Variants in CDH18 observed in about 807,000 individuals in gnomAD.
The protein encoded by CDH18 is cadherin-18.
CDH18 carries 31 observed loss-of-function variants against 67.9 expected under a neutral mutation model. That is an observed-to-expected ratio of 0.46 (90% CI 0.34 to 0.62). CDH18 has a LOEUF of 0.62. CDH18 is among the 20% of genes least tolerant of loss of function. The pLI is 0.01. For missense variants in CDH18, 890 were observed against 975.5 expected, an observed-to-expected ratio of 0.91 and a Z score of 1.17; for synonymous variants, 362 against 347.2, an observed-to-expected ratio of 1.04 and a Z score of -0.48.
intron 2 of CDH18, among the ~76,000 whole-genome samples, chr5:19,956,741 G>C (rs974772196): frequency 6.6e-6 from 1 of 151,610 alleles, no homozygotes. Flanking sequence ...AAGTATTATA[G>C]AATATTTGTG....
chr5:19,527,154 A>T (rs536399436), intron 9 of CDH18, among the ~76,000 whole-genome samples: 144 of 151,864 alleles, frequency 9.5e-4, no homozygotes, highest in Non-Finnish European at 1.5e-3. Context: ...TTCTTTAATA[A>T]ACATGTAACA....
At chr5:19,908,644 T>C (rs891203212) in intron 2 of CDH18, among the ~76,000 whole-genome samples, 1 of 152,192 alleles carries the variant, frequency 6.6e-6, no homozygotes, top group Non-Finnish European at 1.5e-5. Context: ...CCTTATACAG[T>C]ATATTATCCG....
At chr5:20,134,036 C>A (rs114430350) in intron 2 of CDH18, among the ~76,000 whole-genome samples, 3,202 of 152,248 alleles carry the variant, frequency 0.021, 126 homozygotes, top group African/African-American at 0.071. Flanking sequence ...ACACTCTCAG[C>A]TTGCTTCACT....
intron 5 of CDH18, among the ~76,000 whole-genome samples, chr5:19,616,026 T>C (rs1156790665): frequency 2.6e-5 from 4 of 152,190 alleles, no homozygotes; most frequent in Admixed American, 1.3e-4. Context: ...ACACAAATTT[T>C]CAACTCATTT....
At chr5:19,868,851 T>C (rs928289334) in intron 2 of CDH18, among the ~76,000 whole-genome samples, 2 of 151,990 alleles carry the variant, frequency 1.3e-5, no homozygotes, top group East Asian at 1.9e-4. Context: ...GTGTGGGGAA[T>C]GTGAAAGGGA....
chr5:19,478,108 T>C (rs1738790524), intron 12 of CDH18, among the ~76,000 whole-genome samples: 1 of 152,140 alleles, frequency 6.6e-6, no homozygotes, highest in Admixed American at 6.6e-5. Flanking sequence ...ACATTTTTTG[T>C]ATTTGTTTTC....
At chr5:19,578,489 C>G (rs954843829) in intron 7 of CDH18, among the ~76,000 whole-genome samples, 3 of 151,576 alleles carry the variant, frequency 2.0e-5, no homozygotes, top group Non-Finnish European at 2.9e-5. Context: ...ATAATGTTTT[C>G]AAGCTGCTTA....
intron 9 of CDH18, among the ~76,000 whole-genome samples, chr5:19,531,187 C>A (rs770298): frequency 0.41 from 61,744 of 151,996 alleles, 12,841 homozygotes; most frequent in South Asian, 0.49. Flanking sequence ...AGATAAGACA[C>A]AAATATGTGA....
chr5:20,536,518 G>A (rs1756733303), intron 1 of CDH18, among the ~76,000 whole-genome samples: 1 of 152,178 alleles, frequency 6.6e-6, no homozygotes, highest in African/African-American at 2.4e-5. Context: ...TTCTGGTGCT[G>A]TAGGCCTGAA....
At chr5:20,392,165 C>A (rs111620815) in intron 1 of CDH18, among the ~76,000 whole-genome samples, 2,168 of 151,774 alleles carry the variant, frequency 0.014, 55 homozygotes, top group African/African-American at 0.049. Context: ...GTCATATTCA[C>A]CATCTTATTT....
chr5:20,508,244 AC>A (rs1754768913), intron 1 of CDH18, among the ~76,000 whole-genome samples: 1 of 150,088 alleles, frequency 6.7e-6, no homozygotes, highest in Non-Finnish European at 1.5e-5. Flanking sequence ...CAGAAATTCA[AC>A]AAATACTAGT....
chr5:20,008,938 G>A (rs781497555), intron 2 of CDH18, among the ~76,000 whole-genome samples: 7 of 152,086 alleles, frequency 4.6e-5, no homozygotes, highest in African/African-American at 1.7e-4. Context: ...AATGAGAGAC[G>A]TTAGTCAAGA....
intron 2 of CDH18, among the ~76,000 whole-genome samples, chr5:20,130,425 G>A (rs1003125531): frequency 4.8e-5 from 7 of 145,714 alleles, no homozygotes; most frequent in Non-Finnish European, 9.0e-5. Context: ...TTTCACTTAC[G>A]ACTTTCAACA....
intron 2 of CDH18, among the ~76,000 whole-genome samples, chr5:20,236,363 A>T (rs543362156): frequency 6.6e-6 from 1 of 151,936 alleles, no homozygotes; most frequent in African/African-American, 2.4e-5. Flanking sequence ...TCTTTAAAGT[A>T]ATGAAAGAAA....
chr5:19,496,362 C>T (rs1742327458), intron 11 of CDH18, among the ~76,000 whole-genome samples: 1 of 152,148 alleles, frequency 6.6e-6, no homozygotes, highest in South Asian at 2.1e-4. Context: ...ATCATTTGAT[C>T]TTCTGTTAGT....
At chr5:19,653,818 C>T (rs1185381634) in intron 5 of CDH18, among the ~76,000 whole-genome samples, 1 of 152,092 alleles carries the variant, frequency 6.6e-6, no homozygotes, top group African/African-American at 2.4e-5. Context: ...CTTGTGATGG[C>T]CTGCACTTGG....
At chr5:19,822,825 T>G (rs889002547) in intron 3 of CDH18, among the ~76,000 whole-genome samples, 9 of 152,150 alleles carry the variant, frequency 5.9e-5, no homozygotes, top group African/African-American at 2.2e-4. Flanking sequence ...AGGAGGCAAC[T>G]GGTCTGACCA....
At chr5:19,998,063 A>G (rs1736151873) in intron 2 of CDH18, among the ~76,000 whole-genome samples, 1 of 152,198 alleles carries the variant, frequency 6.6e-6, no homozygotes, top group Admixed American at 6.5e-5. Flanking sequence ...TATTTGTGTT[A>G]GGGGCCTTGG....
At chr5:20,484,295 G>T (rs180775364) in intron 1 of CDH18, among the ~76,000 whole-genome samples, 12 of 152,208 alleles carry the variant, frequency 7.9e-5, no homozygotes, top group Admixed American at 7.9e-4. Flanking sequence ...TGGCAAGGAT[G>T]TGGAGAAAAG....
Sources: gnomAD v4.1 joint callset for allele counts (sites outside exome capture counted in the v4.1 genomes callset) on GRCh38, gnomAD v4.1.1 for gene constraint, MANE v1.5 for transcripts, NCBI Gene and HGNC (gene_info 2026-07-23, HGNC 2026-07-21) for gene names.